The following ABCA9 variants were observed in gnomAD, a reference collection of about 807,000 sequenced individuals.
The protein encoded by ABCA9 is ATP binding cassette subfamily A member 9.
ABCA9 carries 183 observed loss-of-function variants against 205.3 expected under a neutral mutation model. The observed-to-expected ratio is 0.89, with a 90% CI of 0.79 to 1.01. The LOEUF (loss-of-function observed/expected upper bound fraction) is 1.01, where lower values mean the gene tolerates loss of function less well. Among genes scored for constraint, ABCA9 ranks in the 50% least tolerant of loss-of-function variants. The probability of loss-of-function intolerance (pLI) is 0.00; values close to 1 mark genes in which losing one functional copy is unlikely to be tolerated. For missense variants in ABCA9, 1,805 were observed against 1,912.4 expected, an observed-to-expected ratio of 0.94 and a Z score of 1.05; for synonymous variants, 651 against 683.3, an observed-to-expected ratio of 0.95 and a Z score of 0.74.
rs1431716094 is a variant in ABCA9 at position 68,975,683 on chromosome 17, T to A, written c.*232A>T. On this transcript the variant is annotated 3_prime_UTR_variant, in exon 39 of 39. Transcript: ENST00000340001. ...TTTAAACTTAACACAGTAGGAAACA[T>A]GGGATTTGGTTGCTGGCACAAAGGC... The A allele has an allele frequency of 2.4e-6, 1 of 408,504 alleles. No individual in the cohort carries two copies. The highest frequency in any genetic ancestry group is 2.0e-5 in the African/African-American group (1 of 50,900). The allele number at this position is 408,504 out of a possible 1,614,324, so 25.3% of individuals were successfully genotyped here.
rs778272564 is a variant in ABCA9 at position 69,018,412 on chromosome 17, C to T, written c.2767+1G>A. 5.8e-5 allele frequency: 89 copies of T among 1,543,546 alleles called. No individual in the cohort carries two copies. The Middle Eastern group carries it at 1.0e-3, about 18-fold the overall frequency. Reference sequence around the variant, plus strand: ...CAGCTGCATTTCAGCCCCATGTTCACCTGTCTTATTGATGACCAGTAAATG... The same window carrying T: ...CAGCTGCATTTCAGCCCCATGTTCATCTGTCTTATTGATGACCAGTAAATG... On this transcript the variant is annotated splice_donor_variant, in intron 20 of 38. Transcript: ENST00000340001. LOFTEE classifies it high-confidence loss of function.
At chr17:69,076,855 T>C in the ABCA9 span, among the ~76,000 whole-genome samples, 42 of 152,162 alleles carry the variant, frequency 2.8e-4, no homozygotes, top group Admixed American at 9.2e-4. Context: ...TCAGTTGTAA[T>C]GTCGCCTTTG....
rs547296107 is a variant in ABCA9 at position 69,036,784 on chromosome 17, C to G, written c.801-983G>C. Among the ~76,000 whole-genome samples, 6 of 144,712 alleles carry G rather than the reference C, an allele frequency of 4.1e-5. No homozygotes were observed. The Admixed American group carries it at 4.3e-4, about 10-fold the overall frequency. The allele number at this position is 144,712 out of a possible 152,430, so 94.9% of individuals were successfully genotyped here. A position where few individuals can be genotyped will look rare whatever the true frequency, so the allele number is the denominator to read the frequency against. On this transcript the variant is annotated intron_variant, in intron 6 of 38. Transcript: ENST00000340001. ...AAAGAGTCAAGACCCATTTGTGTGC[C>G]GTATTCAAGAGACCCATCTCAGGTG...
intron 7 of ABCA9, 63 bp from the exon 8 acceptor site, chr17:69,035,494 A>AATTTTATATTATAAAAGTAT: frequency 7.1e-7 from 1 of 1,404,566 alleles, no homozygotes; most frequent in Non-Finnish European, 9.4e-7. Context: ...ACAAAAAAGG[A>AATTTTATATTATAAAAGTAT]ATTTTATATT....
intron 16 of ABCA9, among the ~76,000 whole-genome samples, chr17:69,026,089 G>C (rs1040269810): frequency 4.6e-5 from 7 of 152,054 alleles, no homozygotes; most frequent in African/African-American, 1.7e-4. Flanking sequence ...AATATGAGAA[G>C]AGAAAGGGTC....
intron 5 of ABCA9, 65 bp downstream of exon 5, chr17:69,044,432 C>A: frequency 7.4e-7 from 1 of 1,345,280 alleles, no homozygotes; most frequent in Non-Finnish European, 1.1e-6. Flanking sequence ...TAGGATAATC[C>A]ATTAAATCAC....
chr17:69,006,318 CA>C (rs1407146079), intron 25 of ABCA9, among the ~76,000 whole-genome samples: 1 of 152,048 alleles, frequency 6.6e-6, no homozygotes, highest in Non-Finnish European at 1.5e-5. Flanking sequence ...ACACATGCAA[CA>C]AAAGACATAC....
chr17:69,024,072 C>A, intron 17 of ABCA9, 142 bp downstream of exon 17: 1 of 873,708 alleles, frequency 1.1e-6, no homozygotes, highest in Non-Finnish European at 1.7e-6. Context: ...TTATAAGTGA[C>A]CTTGGAGTTG....
chr17:69,020,766 T>C (rs1369245136), intron 18 of ABCA9, 180 bp from the exon 19 acceptor site: 1 of 535,060 alleles, frequency 1.9e-6, no homozygotes, highest in East Asian at 3.1e-5. Context: ...GCAGAAAGTA[T>C]TGATATAATA....
At chr17:69,024,513 A>T (rs2070920426) in intron 16 of ABCA9, among the ~76,000 whole-genome samples, 160 bp from the exon 17 acceptor site, 1 of 152,198 alleles carries the variant, frequency 6.6e-6, no homozygotes, top group Non-Finnish European at 1.5e-5. Flanking sequence ...AATAAAGTCC[A>T]AACCATTAAA....
At chr17:68,984,450 G>T (rs1354057020) in intron 34 of ABCA9, among the ~76,000 whole-genome samples, 1 of 152,142 alleles carries the variant, frequency 6.6e-6, no homozygotes, top group East Asian at 1.9e-4. Context: ...AGAAAATTAG[G>T]AGAATTTACT....
intron 3 of ABCA9, among the ~76,000 whole-genome samples, chr17:69,045,926 G>A (rs189422498): frequency 2.2e-4 from 34 of 152,130 alleles, no homozygotes; most frequent in Admixed American, 2.2e-3. Context: ...AATTTTGGGT[G>A]GAGACACAGC....
intron 25 of ABCA9, among the ~76,000 whole-genome samples, chr17:68,999,675 A>G (rs959302626): frequency 2.0e-5 from 3 of 151,914 alleles, no homozygotes; most frequent in African/African-American, 4.8e-5. Context: ...TGGTATTTCT[A>G]GTTCTAGATC....
At chr17:68,992,893 G>GTGTGCACGCATGCATGCATGTGCATGTT in intron 27 of ABCA9, 123 bp downstream of exon 27, 1 of 697,700 alleles carries the variant, frequency 1.4e-6, no homozygotes, top group Non-Finnish European at 2.5e-6. Context: ...ATGTGCATGT[G>GTGTGCACGCATGCATGCATGTGCATGTT]TGTGTTGCTT....
In ABCA9 at chr17:69,032,121, TC is replaced by T; in HGVS notation, c.1431del (p.Glu479LysfsTer19). 1 of 1,610,464 alleles carries T rather than the reference TC, an allele frequency of 6.2e-7. No homozygotes were observed. Among genetic ancestry groups the T allele is most frequent in the Non-Finnish European group, 8.5e-7 (1 of 1,178,742 alleles). On this transcript the variant is annotated frameshift_variant, in exon 10 of 39. Coordinates refer to ENST00000340001, the MANE Select transcript of ABCA9 (RefSeq NM_080283.4). LOFTEE classifies it high-confidence loss of function. ...TTTATTGGTTACCTGATGGCTTCTT[TC>T]CCACAGAATTCTGGAGACACTGGTT... The part of the protein sequence containing the change: ...CFEPVSPEFC[G>X]KEAIRIKNLK...
intron 1 of ABCA9, among the ~76,000 whole-genome samples, chr17:69,054,617 A>G (rs964262630): frequency 4.6e-5 from 7 of 151,872 alleles, no homozygotes; most frequent in Non-Finnish European, 5.9e-5. Context: ...TACAATAAAA[A>G]CTTTTTCTTA....
chr17:68,980,371 G>C (rs949609051), intron 37 of ABCA9, among the ~76,000 whole-genome samples: 1 of 152,068 alleles, frequency 6.6e-6, no homozygotes, highest in African/African-American at 2.4e-5. Flanking sequence ...GTGAGAGTCA[G>C]TGTGGTGATT....
intron 6 of ABCA9, 61 bp downstream of exon 6, chr17:69,043,428 C>A: frequency 1.4e-6 from 2 of 1,392,896 alleles, no homozygotes; most frequent in Non-Finnish European, 1.9e-6. Flanking sequence ...TCTAAGGAGT[C>A]AACCAGCTAA....
intron 23 of ABCA9, among the ~76,000 whole-genome samples, chr17:69,010,618 T>C (rs2070338047): frequency 6.6e-6 from 1 of 152,174 alleles, no homozygotes; most frequent in South Asian, 2.1e-4. Context: ...TTTAAACTTC[T>C]GAAAGTTTGC....
Sources: gnomAD v4.1 joint callset for allele counts (sites outside exome capture counted in the v4.1 genomes callset) on GRCh38, gnomAD v4.1.1 for gene constraint, MANE v1.5 for transcripts, NCBI Gene and HGNC (gene_info 2026-07-23, HGNC 2026-07-21) for gene names.